Variants in RSRC1 observed in about 807,000 individuals in gnomAD.
The protein encoded by RSRC1 is serine/Arginine-related protein 53.
Under a neutral mutation model 49.1 loss-of-function variants are expected in RSRC1, and 39 were observed. That is an observed-to-expected ratio of 0.79 (90% confidence interval 0.61 to 1.04). The LOEUF (loss-of-function observed/expected upper bound fraction) is 1.04, where lower values mean the gene tolerates loss of function less well. RSRC1 is among the 50% of genes least tolerant of loss of function. The pLI is 0.00. For missense variants in RSRC1, 388 were observed against 402.4 expected, an observed-to-expected ratio of 0.96 and a Z score of 0.31; for synonymous variants, 143 against 130.8, an observed-to-expected ratio of 1.09 and a Z score of -0.63.
chr3:158,377,431 G>A (rs28578723), intron 6 of RSRC1, among the ~76,000 whole-genome samples: 79,296 of 151,758 alleles, frequency 0.52, 21,103 homozygotes, highest in African/African-American at 0.61. Flanking sequence ...ACCTCCTTGT[G>A]GTAACGAGTG....
intron 6 of RSRC1, among the ~76,000 whole-genome samples, chr3:158,424,337 CAT>C (rs1411312096): frequency 6.6e-6 from 1 of 151,954 alleles, no homozygotes; most frequent in Non-Finnish European, 1.5e-5. Flanking sequence ...TTGAGATAAA[CAT>C]GTGGTTTTTG....
intron 6 of RSRC1, among the ~76,000 whole-genome samples, chr3:158,430,791 A>G (rs1317795506): frequency 6.6e-6 from 1 of 151,934 alleles, no homozygotes; most frequent in Non-Finnish European, 1.5e-5. Flanking sequence ...GGTACAGTAT[A>G]TAGTATGTGC....
chr3:158,161,802 A>G (rs1323868588), intron 3 of RSRC1, among the ~76,000 whole-genome samples: 1 of 152,074 alleles, frequency 6.6e-6, no homozygotes, highest in Non-Finnish European at 1.5e-5. Flanking sequence ...ATGTGTGGCT[A>G]CAAACAGAAA....
At chr3:158,274,318 C>T (rs1332455245) in intron 4 of RSRC1, among the ~76,000 whole-genome samples, 2 of 151,402 alleles carry the variant, frequency 1.3e-5, no homozygotes, top group Admixed American at 6.6e-5. Flanking sequence ...AAGAAAAAGC[C>T]ATTTTTCTCC....
At chr3:158,491,907 C>G (rs1171564115) in intron 7 of RSRC1, among the ~76,000 whole-genome samples, 2 of 152,180 alleles carry the variant, frequency 1.3e-5, no homozygotes, top group East Asian at 3.9e-4. Flanking sequence ...TTTTAGATCT[C>G]AGTAGCATTT....
chr3:158,360,852 G>A (rs1731427704), intron 6 of RSRC1, among the ~76,000 whole-genome samples: 1 of 152,182 alleles, frequency 6.6e-6, no homozygotes, highest in East Asian at 1.9e-4. Flanking sequence ...CTTGGGGGCT[G>A]CAGCCATGCT....
intron 5 of RSRC1, among the ~76,000 whole-genome samples, chr3:158,317,505 C>T (rs1578328238): frequency 6.6e-6 from 1 of 152,178 alleles, no homozygotes; most frequent in Non-Finnish European, 1.5e-5. Flanking sequence ...GCTGGTATTA[C>T]AGGCATGAGC....
rs149655653 is a variant in RSRC1, at chr3:158,461,856, G to T, written c.652+853G>T. Among the ~76,000 whole-genome samples the T allele has an allele frequency of 2.0e-5, 3 of 151,876 alleles. No individual in the cohort carries two copies. The East Asian group carries it at 5.8e-4, about 29-fold the overall frequency. On this transcript the variant is annotated intron_variant, in intron 7 of 9. Coordinates refer to ENST00000611884, the MANE Select transcript of RSRC1 (RefSeq NM_001271838.2). ...TCTGAAAGTTGAAATTTTTGCCTTA[G>T]TAGGTACCTGTGTTTTATTGTAACA...
At chr3:158,365,224 C>T (rs1402593364) in intron 6 of RSRC1, among the ~76,000 whole-genome samples, 3 of 152,054 alleles carry the variant, frequency 2.0e-5, no homozygotes, top group East Asian at 1.9e-4. Flanking sequence ...TAGGTATACA[C>T]GTGCCATGGT....
At chr3:158,452,246 G>A (rs867680655) in intron 6 of RSRC1, among the ~76,000 whole-genome samples, 7 of 152,044 alleles carry the variant, frequency 4.6e-5, no homozygotes, top group African/African-American at 1.4e-4. Context: ...TTTAATTTTC[G>A]TGGGCCTTTC....
intron 7 of RSRC1, among the ~76,000 whole-genome samples, chr3:158,523,110 A>G (rs138863738): frequency 2.7e-4 from 41 of 152,172 alleles, no homozygotes; most frequent in African/African-American, 9.6e-4. Context: ...ATTTCCAGAC[A>G]CTATTTTTAA....
At chr3:158,139,042 T>TA (rs1477054441) in intron 3 of RSRC1, among the ~76,000 whole-genome samples, 2 of 152,198 alleles carry the variant, frequency 1.3e-5, no homozygotes, top group Non-Finnish European at 2.9e-5. Context: ...TTCTGTTTTC[T>TA]AAAAACACTG....
At chr3:158,335,996 C>T (rs1729861178) in intron 5 of RSRC1, among the ~76,000 whole-genome samples, 1 of 152,160 alleles carries the variant, frequency 6.6e-6, no homozygotes, top group East Asian at 1.9e-4. Context: ...AGGCTGACTG[C>T]CAGAGATTTA....
At chr3:158,384,744 A>C (rs1261996706) in intron 6 of RSRC1, among the ~76,000 whole-genome samples, 1 of 152,140 alleles carries the variant, frequency 6.6e-6, no homozygotes, top group Non-Finnish European at 1.5e-5. Context: ...AATAAACCCT[A>C]GCCCCTCCTT....
intron 3 of RSRC1, among the ~76,000 whole-genome samples, chr3:158,196,829 A>C (rs572775877): frequency 9.2e-5 from 14 of 152,254 alleles, no homozygotes; most frequent in South Asian, 2.1e-4. Flanking sequence ...GTTGAACCAG[A>C]CTTGCATCCC....
chr3:158,319,501 G>A (rs1056216807), intron 5 of RSRC1, among the ~76,000 whole-genome samples: 6 of 152,116 alleles, frequency 3.9e-5, no homozygotes, highest in African/African-American at 1.4e-4. Flanking sequence ...CTTGTTCCAA[G>A]GTTGACCAAG....
intron 6 of RSRC1, among the ~76,000 whole-genome samples, chr3:158,431,837 T>C (rs1735784191): frequency 6.6e-6 from 1 of 151,982 alleles, no homozygotes; most frequent in African/African-American, 2.4e-5. Context: ...TTGTTTTGCC[T>C]CTGAAATATA....
At chr3:158,525,449 T>C (rs1238361484) in intron 7 of RSRC1, among the ~76,000 whole-genome samples, 1 of 151,928 alleles carries the variant, frequency 6.6e-6, no homozygotes, top group Non-Finnish European at 1.5e-5. Flanking sequence ...TACACTGCTG[T>C]TGGGAACATA....
chr3:158,126,836 C>T (rs1715655889), intron 3 of RSRC1, among the ~76,000 whole-genome samples: 1 of 151,960 alleles, frequency 6.6e-6, no homozygotes, highest in African/African-American at 2.4e-5. Context: ...TCTTGTAGAA[C>T]AATTTTGCTT....
Sources: allele counts gnomAD v4.1 joint callset (sites outside exome capture counted in the v4.1 genomes callset), GRCh38; gene constraint gnomAD v4.1.1; transcripts MANE v1.5; gene names NCBI Gene and HGNC (gene_info 2026-07-23, HGNC 2026-07-21).